The following PHACTR2 variants were observed in gnomAD, a reference collection of about 807,000 sequenced individuals.
PHACTR2 encodes the protein phosphatase and actin regulator 2.
Under a neutral mutation model 76.0 loss-of-function variants are expected in PHACTR2, and 30 were observed. The ratio of observed to expected loss-of-function variants is 0.39; its 90% CI spans 0.30 to 0.54. PHACTR2 has a LOEUF of 0.54. Ranked by LOEUF, PHACTR2 falls within the 20% of genes least tolerant of loss-of-function variation. The pLI, the probability that PHACTR2 is intolerant of heterozygous loss-of-function variation, is 0.61. For missense variants in PHACTR2, 696 were observed against 781.1 expected, an observed-to-expected ratio of 0.89 and a Z score of 1.30; for synonymous variants, 292 against 292.5, an observed-to-expected ratio of 1.00 and a Z score of 0.02.
chr6:143,778,333 A>G (rs1386079647), intron 9 of PHACTR2, among the ~76,000 whole-genome samples: 2 of 152,126 alleles, frequency 1.3e-5, no homozygotes, highest in Non-Finnish European at 2.9e-5. Context: ...TCCTTTAGGG[A>G]AGAAAGATTT....
In PHACTR2 at chr6:143,539,583, TA is replaced by T. The variant is rs1172677094; in HGVS notation, c.217+2381del. Reference sequence around the variant, plus strand: ...CACAATAAGAGGGTTACACGCCTTGTAAAAACATTCCTTGGCCTAACACTAT... The same window carrying T: ...CACAATAAGAGGGTTACACGCCTTGTAAAACATTCCTTGGCCTAACACTAT... On this transcript the variant is annotated intron_variant, in intron 1 of 11. Coordinates refer to the PHACTR2 transcript ENST00000367584. This position sits in a 1 kb window ranked among gnomAD's most constrained non-coding sequence, Gnocchi z 4.3. Among the ~76,000 whole-genome samples the T allele has an allele frequency of 1.3e-5, 2 of 152,270 alleles. No individual in the cohort carries two copies. The highest frequency in any genetic ancestry group is 6.5e-5 in the Admixed American group (1 of 15,296).
At chr6:143,635,719 T>G (rs1320371030) in intron 1 of PHACTR2, among the ~76,000 whole-genome samples, 1 of 152,242 alleles carries the variant, frequency 6.6e-6, no homozygotes, top group Non-Finnish European at 1.5e-5. Flanking sequence ...TTTCCCCATT[T>G]TACTTTAAGG....
Position 143,580,529 on chromosome 6 carries a change from T to G in PHACTR2, c.217+43322T>G, listed in dbSNP as rs1325920266. 6.7e-6 allele frequency among the ~76,000 whole-genome samples: 1 copy of G among 150,284 alleles called. No individual in the cohort carries two copies. Among genetic ancestry groups the G allele is most frequent in the African/African-American group, 2.5e-5 (1 of 40,608 alleles). ...AAAACAAAAAATACAAACAATTAGC[T>G]GGGCGTGGTGGCACACACCTGTAAT... On this transcript the variant is annotated intron_variant, in intron 1 of 11. Coordinates refer to the PHACTR2 transcript ENST00000367584. The surrounding 1 kb of genome is among the most constrained non-coding windows in gnomAD (Gnocchi z 4.2).
intron 1 of PHACTR2, among the ~76,000 whole-genome samples, chr6:143,660,374 C>T (rs972992835): frequency 6.6e-6 from 1 of 152,132 alleles, no homozygotes; most frequent in Non-Finnish European, 1.5e-5. Context: ...AGAGCTTGTG[C>T]AGGGAAACTC....
chr6:143,545,136 G>A (rs771076287), intron 1 of PHACTR2, among the ~76,000 whole-genome samples: 1 of 151,942 alleles, frequency 6.6e-6, no homozygotes, highest in African/African-American at 2.4e-5. Context: ...GTAGAGATGG[G>A]GTTTCACTAT....
chr6:143,806,958 TAA>T lies in PHACTR2; in HGVS notation c.1846-86_1846-85del, dbSNP rs774136054. On this transcript the variant is annotated intron_variant, in intron 11 of 12. Coordinates refer to ENST00000440869, the MANE Select transcript of PHACTR2 (RefSeq NM_001100164.2). The surrounding 1 kb of genome is among the most constrained non-coding windows in gnomAD (Gnocchi z 5.8). ...GATGACAGAGCGAGACTCTATCTCT[TAA>T]AAAAAAAAAAAAGGTCTGCTTCATT... is the stretch of plus-strand genomic sequence containing the variant. The T allele has an allele frequency of 9.3e-3, 4,587 of 494,628 alleles. No individual in the cohort carries two copies. The highest frequency in any genetic ancestry group is 0.013 in the South Asian group (470 of 36,180). 30.6% of individuals were successfully genotyped at this position (494,628 alleles called of 1,614,324 possible). A position where few individuals can be genotyped will look rare whatever the true frequency, so the allele number is the denominator to read the frequency against.
rs761585132 is a variant in PHACTR2, at chr6:143,793,531, G to A, written c.1845+4621G>A. On this transcript the variant is annotated intron_variant, in intron 11 of 12. Transcript: ENST00000440869. The surrounding 1 kb of genome is among the most constrained non-coding windows in gnomAD (Gnocchi z 4.4). ...CCTGAGGCTTTTTAAAGTCTAAAAA[G>A]CAGCATTTTTAGAAGTGGATTTTTA... Among the ~76,000 whole-genome samples the A allele has an allele frequency of 6.6e-6, 1 of 152,104 alleles. No individual in the cohort carries two copies. Among genetic ancestry groups the A allele is most frequent in the Non-Finnish European group, 1.5e-5 (1 of 68,020 alleles).
In PHACTR2 at chr6:143,819,370, G is replaced by A. The variant is rs577065694; in HGVS notation, c.1923-4304G>A. 1.3e-5 allele frequency among the ~76,000 whole-genome samples: 2 copies of A among 152,302 alleles called. No homozygotes were observed. Among genetic ancestry groups the A allele is most frequent in the East Asian group, 3.9e-4 (2 of 5,184 alleles). On this transcript the variant is annotated intron_variant, in intron 12 of 12. Transcript: ENST00000440869. The surrounding 1 kb of genome is among the most constrained non-coding windows in gnomAD (Gnocchi z 5.0). ...GACAGGGGTGGGTATAGATCCGATGGCCAAGAAAGGGGTCTGTATCTGTCT... is the reference window on the plus strand; with the variant it reads ...GACAGGGGTGGGTATAGATCCGATGACCAAGAAAGGGGTCTGTATCTGTCT...
In PHACTR2 at chr6:143,823,699, A is replaced by G; in HGVS notation, c.*10A>G. 1 of 1,608,798 alleles carries G rather than the reference A, an allele frequency of 6.2e-7. No homozygotes were observed. Among genetic ancestry groups the G allele is most frequent in the South Asian group, 1.1e-5 (1 of 90,934 alleles). ...GTTTCATCGTCCATAACGAAGAGTG[A>G]GACTATTTGGAAACAGAGACTGATC... is the stretch of plus-strand genomic sequence containing the variant. On this transcript the variant is annotated 3_prime_UTR_variant, in exon 13 of 13. Coordinates refer to ENST00000440869, the MANE Select transcript of PHACTR2 (RefSeq NM_001100164.2). The surrounding 1 kb of genome is among the most constrained non-coding windows in gnomAD (Gnocchi z 5.7).
In PHACTR2 at chr6:143,619,811, G is replaced by A. The variant is rs758002184; in HGVS notation, c.13+11489G>A. Among the ~76,000 whole-genome samples the A allele has an allele frequency of 2.6e-5, 4 of 152,124 alleles. No homozygotes were observed. The highest frequency in any genetic ancestry group is 5.9e-5 in the Non-Finnish European group (4 of 68,024). On this transcript the variant is annotated intron_variant, in intron 1 of 11. Coordinates refer to the PHACTR2 transcript ENST00000305766. The surrounding 1 kb of genome is among the most constrained non-coding windows in gnomAD (Gnocchi z 4.5). Reference sequence around the variant, plus strand: ...GGCATTTTTAATAAGGGGATAAAAGGAAATATAGCCAGTCCCAAACTTTGA... The same window carrying A: ...GGCATTTTTAATAAGGGGATAAAAGAAAATATAGCCAGTCCCAAACTTTGA...
rs1026930246 is a variant in PHACTR2 at position 143,754,681 on chromosome 6, G to A, written c.454+769G>A. Among the ~76,000 whole-genome samples the A allele has an allele frequency of 2.6e-5, 4 of 152,182 alleles. No individual in the cohort carries two copies. Among genetic ancestry groups the A allele is most frequent in the African/African-American group, 9.7e-5 (4 of 41,438 alleles). On this transcript the variant is annotated intron_variant, in intron 4 of 12. Coordinates refer to ENST00000440869, the MANE Select transcript of PHACTR2 (RefSeq NM_001100164.2). This position sits in a 1 kb window ranked among gnomAD's most constrained non-coding sequence, Gnocchi z 6.2. ...GACATCTCGATACCACTGCTGTGAT[G>A]CGTAGGAACCTCCAAACATGAAATG...
At chr6:143,692,882 A>C (rs1446788602) in intron 1 of PHACTR2, among the ~76,000 whole-genome samples, 1 of 152,204 alleles carries the variant, frequency 6.6e-6, no homozygotes, top group Non-Finnish European at 1.5e-5. Flanking sequence ...TGGCTGCAAC[A>C]ACAGAAATGT....
At chr6:143,606,159 C>T (rs138388691), upstream of PHACTR2, among the ~76,000 whole-genome samples, 7 of 152,248 alleles carry the variant, frequency 4.6e-5, no homozygotes, top group East Asian at 1.9e-4. Context: ...ATTTCTGTAG[C>T]AAACATGATT....
intron 9 of PHACTR2, among the ~76,000 whole-genome samples, chr6:143,779,944 A>ATT (rs1036560108): frequency 7.5e-6 from 1 of 133,792 alleles, no homozygotes; most frequent in African/African-American, 2.6e-5. Flanking sequence ...ATTATATTAT[A>ATT]TTATATTTAG....
At chr6:143,615,576 A>G (rs1453677408) in intron 1 of PHACTR2, among the ~76,000 whole-genome samples, 2 of 152,316 alleles carry the variant, frequency 1.3e-5, no homozygotes, top group Non-Finnish European at 1.5e-5. Context: ...TTTATAAAAT[A>G]GAATGCTTTT....
intron 1 of PHACTR2, among the ~76,000 whole-genome samples, chr6:143,577,906 G>GT (rs1009224430): frequency 5.3e-5 from 8 of 152,152 alleles, no homozygotes; most frequent in African/African-American, 1.9e-4. Flanking sequence ...GAGAGGTATG[G>GT]TAAGAGAAAT....
At chr6:143,717,977 A>G (rs1335109674) in intron 2 of PHACTR2, among the ~76,000 whole-genome samples, 1 of 152,256 alleles carries the variant, frequency 6.6e-6, no homozygotes, top group Non-Finnish European at 1.5e-5. Context: ...ACCACTGTTA[A>G]GAAGCCAATA....
chr6:143,715,222 G>T (rs1029039281), intron 2 of PHACTR2, among the ~76,000 whole-genome samples: 1 of 152,108 alleles, frequency 6.6e-6, no homozygotes, highest in Non-Finnish European at 1.5e-5. Flanking sequence ...AGTCAGTCCT[G>T]CCTTAATGTC....
chr6:143,723,841 C>T (rs1404309234), intron 2 of PHACTR2, among the ~76,000 whole-genome samples: 1 of 152,234 alleles, frequency 6.6e-6, no homozygotes, highest in Non-Finnish European at 1.5e-5. Context: ...CTCCTATTAA[C>T]TCTTGACAGG....
Sources: gnomAD v4.1 joint callset for allele counts (sites outside exome capture counted in the v4.1 genomes callset) on GRCh38, gnomAD v4.1.1 for gene constraint, Gnocchi (gnomAD v3.1) non-coding constraint, MANE v1.5 for transcripts, NCBI Gene and HGNC (gene_info 2026-07-23, HGNC 2026-07-21) for gene names.